Variants in TBL1XR1 observed in about 807,000 individuals in gnomAD.
TBL1XR1 encodes the protein TBL1X/Y related 1.
A neutral mutation model predicts 66.9 loss-of-function variants in TBL1XR1; 5 were observed. That is an observed-to-expected ratio of 0.07 (90% CI 0.04 to 0.16). The LOEUF is 0.16. Among genes scored for constraint, TBL1XR1 ranks in the 10% least tolerant of loss-of-function variants. The pLI, the probability that TBL1XR1 is intolerant of heterozygous loss-of-function variation, is 1.00. For synonymous variants in TBL1XR1, 210 were observed against 206.0 expected (o/e 1.02, Z -0.17); for missense variants, 238 against 623.2 (o/e 0.38, Z 6.58).
intron 15 of TBL1XR1, chr3:177,025,900 G>A (rs1354687045): frequency 3.6e-6 from 1 of 279,944 alleles, no homozygotes; most frequent in Non-Finnish European, 6.7e-6. Flanking sequence ...ACCTTCTGGT[G>A]CTTCTACAGC....
In TBL1XR1 at chr3:177,096,335, T is replaced by TACATACACACACACACAC. The variant is rs368291107; in HGVS notation, c.-46+2130_-46+2131insGTGTGTGTGTGTGTATGT. The stretch of plus-strand genomic sequence containing the variant: ...TCTAACACACACTAACATACATACA[T>TACATACACACACACACAC]ACACACACACACACACACTTAAATT... On this transcript the variant is annotated intron_variant, in intron 2 of 15. Coordinates refer to ENST00000457928, the MANE Select transcript of TBL1XR1 (RefSeq NM_024665.7). 1.3e-4 allele frequency among the ~76,000 whole-genome samples: 20 copies of TACATACACACACACACAC among 150,318 alleles called. No individual in the cohort carries two copies. The East Asian group carries it at 2.0e-3, about 15-fold the overall frequency.
chr3:177,118,866 T>C (rs1726633028), intron 1 of TBL1XR1, among the ~76,000 whole-genome samples: 1 of 152,178 alleles, frequency 6.6e-6, no homozygotes, highest in Non-Finnish European at 1.5e-5. Context: ...TTCAGGCATA[T>C]TGCCTGCAAA....
intron 3 of TBL1XR1, among the ~76,000 whole-genome samples, chr3:177,064,166 G>A (rs1718862720): frequency 6.6e-6 from 1 of 152,012 alleles, no homozygotes; most frequent in Non-Finnish European, 1.5e-5. Context: ...TAACTTTAAG[G>A]TATAATTTCT....
At chr3:177,038,945 C>T (rs1361585226) in intron 10 of TBL1XR1, among the ~76,000 whole-genome samples, 1 of 152,114 alleles carries the variant, frequency 6.6e-6, no homozygotes, top group Non-Finnish European at 1.5e-5. Context: ...TTGAGCACCC[C>T]AATCTGAAAA....
chr3:177,023,225 T>C lies in TBL1XR1; in HGVS notation c.*2273A>G, dbSNP rs1001550123. On this transcript the variant is annotated 3_prime_UTR_variant, in exon 16 of 16. Coordinates refer to ENST00000457928, the MANE Select transcript of TBL1XR1 (RefSeq NM_024665.7). ...ACTTTCAGATTTAAATTCAGTGCAA[T>C]TGACAAATGCATCACTAAAGGAAAA... The C allele has an allele frequency of 5.2e-5, 8 of 152,546 alleles. No homozygotes were observed. Among genetic ancestry groups the C allele is most frequent in the African/African-American group, 1.4e-4 (6 of 41,454 alleles). The allele number at this position is 152,546 out of a possible 1,614,324, so 9.4% of individuals were successfully genotyped here.
At chr3:177,026,944 T>A (rs1713215822) in intron 14 of TBL1XR1, 1 of 153,138 alleles carries the variant, frequency 6.5e-6, no homozygotes, top group Admixed American at 6.5e-5. Flanking sequence ...CACTCTATAT[T>A]TACTGACCAG....
rs143702253 is a variant in TBL1XR1 at position 177,155,819 on chromosome 3, G to C, written c.-122+41302C>G. 5.9e-3 allele frequency among the ~76,000 whole-genome samples: 891 copies of C among 152,224 alleles called. 11 individuals are homozygous for C. Among genetic ancestry groups the C allele is most frequent in the African/African-American group, 0.021 (860 of 41,538 alleles). On this transcript the variant is annotated intron_variant, in intron 1 of 15. Coordinates refer to ENST00000457928, the MANE Select transcript of TBL1XR1 (RefSeq NM_024665.7). ...GAGGTCAGGAGTTCGAGACCAGCCT[G>C]ACCAACATGGAGAAACCCCATCTCT...
At chr3:177,074,677 A>T (rs1720465595) in intron 2 of TBL1XR1, among the ~76,000 whole-genome samples, 1 of 152,110 alleles carries the variant, frequency 6.6e-6, no homozygotes, top group South Asian at 2.1e-4. Flanking sequence ...CTACCTCCCC[A>T]ACCCTCACCG....
At chr3:177,094,206 CAACA>C (rs1723178200) in intron 2 of TBL1XR1, among the ~76,000 whole-genome samples, 1 of 151,608 alleles carries the variant, frequency 6.6e-6, no homozygotes, top group Non-Finnish European at 1.5e-5. Flanking sequence ...TACAAATGAC[CAACA>C]AACATGAAAA....
chr3:177,170,633 G>A (rs185076036), intron 1 of TBL1XR1, among the ~76,000 whole-genome samples: 1 of 152,190 alleles, frequency 6.6e-6, no homozygotes, highest in Non-Finnish European at 1.5e-5. Flanking sequence ...TGAGATCAAT[G>A]GTTTTTGTTG....
chr3:177,171,757 A>C (rs1348448141), intron 1 of TBL1XR1, among the ~76,000 whole-genome samples: 1 of 151,028 alleles, frequency 6.6e-6, no homozygotes, highest in Non-Finnish European at 1.5e-5. Context: ...AAAGAAATCC[A>C]GGGCTTTTTG....
At chr3:177,050,251 T>C in intron 6 of TBL1XR1, 113 bp from the exon 7 acceptor site, 2 of 1,392,030 alleles carry the variant, frequency 1.4e-6, no homozygotes, top group Non-Finnish European at 1.9e-6. Flanking sequence ...CTATCACGAA[T>C]TTTCATTTCC....
At chr3:177,177,129 T>C (rs879669339) in intron 1 of TBL1XR1, among the ~76,000 whole-genome samples, 1 of 152,184 alleles carries the variant, frequency 6.6e-6, no homozygotes, top group Non-Finnish European at 1.5e-5. Context: ...CCAATGCCAA[T>C]GAATACCCTT....
At chr3:177,086,127 C>T (rs930216411) in intron 2 of TBL1XR1, among the ~76,000 whole-genome samples, 1 of 149,502 alleles carries the variant, frequency 6.7e-6, no homozygotes, top group Admixed American at 6.8e-5. Context: ...AGTCCACACA[C>T]GTAAGTTTTA....
chr3:177,181,127 A>C (rs1734771230), intron 1 of TBL1XR1, among the ~76,000 whole-genome samples: 1 of 151,588 alleles, frequency 6.6e-6, no homozygotes, highest in African/African-American at 2.4e-5. Context: ...GCCATCACCT[A>C]CTCCCATTTC....
chr3:177,159,528 C>T (rs2108883124), intron 1 of TBL1XR1, among the ~76,000 whole-genome samples: 1 of 152,222 alleles, frequency 6.6e-6, no homozygotes, highest in Non-Finnish European at 1.5e-5. Flanking sequence ...ACACAAAATT[C>T]TCATCACATT....
chr3:177,169,821 C>A (rs1733247754), intron 1 of TBL1XR1, among the ~76,000 whole-genome samples: 1 of 152,214 alleles, frequency 6.6e-6, no homozygotes, highest in Non-Finnish European at 1.5e-5. Flanking sequence ...AAGAGTTCCA[C>A]AATGACCACT....
At chr3:177,097,728 C>CA (rs1194228420) in intron 2 of TBL1XR1, among the ~76,000 whole-genome samples, 1 of 152,108 alleles carries the variant, frequency 6.6e-6, no homozygotes, top group Non-Finnish European at 1.5e-5. Flanking sequence ...ATGCAATACA[C>CA]AAAAACAATC....
At chr3:177,071,870 A>G (rs1000807836) in intron 2 of TBL1XR1, among the ~76,000 whole-genome samples, 26 of 152,170 alleles carry the variant, frequency 1.7e-4, no homozygotes, top group African/African-American at 5.6e-4. Context: ...TCATAGGTCA[A>G]TTTCACAGGA....
Sources: gnomAD v4.1 joint callset for allele counts (sites outside exome capture counted in the v4.1 genomes callset) on GRCh38, gnomAD v4.1.1 for gene constraint, MANE v1.5 for transcripts, NCBI Gene and HGNC (gene_info 2026-07-23, HGNC 2026-07-21) for gene names.